CLIC2: variants seen among roughly 807,000 people sequenced by gnomAD.
CLIC2 encodes the protein CLIC family member 2.
CLIC2 carries 9 observed loss-of-function variants against 14.8 expected under a neutral mutation model. That is an observed-to-expected ratio of 0.61 (90% CI 0.37 to 1.06). The LOEUF (loss-of-function observed/expected upper bound fraction) is 1.06, where lower values mean the gene tolerates loss of function less well. Ranked by LOEUF, CLIC2 falls within the 50% of genes least tolerant of loss-of-function variation. The pLI, the probability that CLIC2 is intolerant of heterozygous loss-of-function variation, is 0.01. For missense variants in CLIC2, 148 were observed against 181.4 expected (o/e 0.82, Z 1.06); for synonymous variants, 61 against 66.3 (o/e 0.92, Z 0.39).
At chrX:155,305,429 CG>C (rs1470584487) in intron 1 of CLIC2, among the ~76,000 whole-genome samples, 2 of 112,619 alleles carry the variant, frequency 1.8e-5, no homozygotes, top group East Asian at 2.8e-4. Context: ...CGCCCTGCTT[CG>C]GCTCGCGCAC....
In CLIC2 at chrX:155,290,860, T is replaced by C. The variant is rs781931550; in HGVS notation, c.293+7925A>G. On this transcript the variant is annotated intron_variant, in intron 3 of 5. Transcript: ENST00000369449. ...TAGGAAATGCTACTCCTTGTAGTGT[T>C]TGATGCTTAGCGTCCACACCCACGT... 156 of 656,098 alleles carry C rather than the reference T, an allele frequency of 2.4e-4. 1 individual carries two copies. The South Asian group carries it at 3.4e-3, about 14-fold the overall frequency. 54.1% of individuals were successfully genotyped at this position (656,098 alleles called of 1,213,427 possible).
intron 3 of CLIC2, among the ~76,000 whole-genome samples, chrX:155,297,376 A>G (rs1256731561): frequency 9.0e-6 from 1 of 110,771 alleles, no homozygotes; most frequent in Non-Finnish European, 1.9e-5. Context: ...AATAAGATAG[A>G]AGGAATAAAT....
intron 1 of CLIC2, among the ~76,000 whole-genome samples, chrX:155,332,845 CT>C (rs1228340149): frequency 5.3e-5 from 6 of 112,285 alleles, no homozygotes; most frequent in South Asian, 7.2e-4. Flanking sequence ...TTTCAGGAGT[CT>C]AATTGAGTTG....
chrX:155,278,856 C>T (rs1205782744), intron 5 of CLIC2: 1 of 241,692 alleles, frequency 4.1e-6, no homozygotes, highest in Non-Finnish European at 7.5e-6. Context: ...ACTGCTTGAG[C>T]CTCAGAGGTG....
chrX:155,291,282 C>T, intron 3 of CLIC2: 1 of 912,351 alleles, frequency 1.1e-6, no homozygotes, highest in South Asian at 2.0e-5. Context: ...TGCCCATTTT[C>T]AATAGATATT....
At chrX:155,298,959 A>G in intron 2 of CLIC2, 49 bp from the exon 3 acceptor site, 1 of 1,181,886 alleles carries the variant, frequency 8.5e-7, no homozygotes. Flanking sequence ...TAAAGTACAC[A>G]TTAAATAAAC....
At chrX:155,320,172 G>A (rs1251049244) in intron 1 of CLIC2, among the ~76,000 whole-genome samples, 1 of 112,491 alleles carries the variant, frequency 8.9e-6, no homozygotes, top group African/African-American at 3.2e-5. Context: ...GTGCTAAAGA[G>A]AGCAGTGGAT....
At chrX:155,289,169 A>G (rs1337174306) in intron 3 of CLIC2, among the ~76,000 whole-genome samples, 1 of 110,887 alleles carries the variant, frequency 9.0e-6, no homozygotes, top group Non-Finnish European at 1.9e-5. Flanking sequence ...TGAGTGTTTC[A>G]CCCTATGAAA....
At chrX:155,333,988 G>T (rs1394097107) in intron 1 of CLIC2, among the ~76,000 whole-genome samples, 1 of 110,790 alleles carries the variant, frequency 9.0e-6, no homozygotes, top group Non-Finnish European at 1.9e-5. Flanking sequence ...ATAAAACACA[G>T]ATTTTGAGAC....
At position 155,299,353 on chromosome X, in the gene CLIC2, T is replaced by A. The variant is rs782152460; in HGVS notation, c.58-208A>T. On this transcript the variant is annotated intron_variant, in intron 1 of 5. Transcript: ENST00000369449. ...TGTGATGGGTACATAATAATAATAA[T>A]AAATTTTATATATTATCAGAATTTA... is the stretch of plus-strand genomic sequence containing the variant. 4.5e-5 allele frequency among the ~76,000 whole-genome samples: 5 copies of A among 110,828 alleles called. No individual in the cohort carries two copies. In the East Asian group the frequency reaches 1.4e-3, roughly 31 times the overall value.
At chrX:155,281,847 T>C (rs1410735004) in intron 3 of CLIC2, among the ~76,000 whole-genome samples, 1 of 111,345 alleles carries the variant, frequency 9.0e-6, no homozygotes, top group Non-Finnish European at 1.9e-5. Context: ...ATCTCAGAGT[T>C]AGAGCCCAAG....
intron 1 of CLIC2, among the ~76,000 whole-genome samples, chrX:155,321,459 A>C (rs1171411261): frequency 1.8e-5 from 2 of 111,907 alleles, no homozygotes; most frequent in Non-Finnish European, 3.8e-5. Flanking sequence ...ATATCCAGAC[A>C]AGCAAAGCTT....
chrX:155,276,764 C>G lies in CLIC2; in HGVS notation c.*1139G>C. On this transcript the variant is annotated 3_prime_UTR_variant, in exon 6 of 6. Transcript: ENST00000369449. ...AATATACTGATGACAGGATGTATCT[C>G]AAAGATTATCAACATGATTGCATTT... 1 of 112,215 alleles carries G rather than the reference C, an allele frequency of 8.9e-6. No individual in the cohort carries two copies. The highest frequency in any genetic ancestry group is 1.9e-5 in the Non-Finnish European group (1 of 53,177). 9.2% of individuals were successfully genotyped at this position (112,215 alleles called of 1,213,427 possible).
chrX:155,292,206 C>A (rs1210793172), intron 3 of CLIC2: 49 of 566,161 alleles, frequency 8.7e-5, no homozygotes, highest in Non-Finnish European at 9.7e-6. Flanking sequence ...TTGGGTGTGA[C>A]CTCCTTTAAA....
At chrX:155,300,654 T>C (rs1207385836) in intron 1 of CLIC2, among the ~76,000 whole-genome samples, 3 of 107,881 alleles carry the variant, frequency 2.8e-5, no homozygotes, top group South Asian at 4.1e-4. Context: ...TCCTTGCCCA[T>C]GCCTATGTCC....
chrX:155,314,781 G>A (rs180891811), intron 1 of CLIC2, among the ~76,000 whole-genome samples: 86 of 111,745 alleles, frequency 7.7e-4, no homozygotes, highest in Middle Eastern at 9.3e-3. Flanking sequence ...GCTAATCAAG[G>A]AGACATCAGA....
At chrX:155,298,671 C>T (rs1237442834) in intron 3 of CLIC2, 114 bp downstream of exon 3, 2 of 816,905 alleles carry the variant, frequency 2.4e-6, no homozygotes, top group African/African-American at 2.0e-5. Context: ...TGTCATTTGA[C>T]ATGTAGGCCC....
intron 3 of CLIC2, among the ~76,000 whole-genome samples, chrX:155,287,335 CTTTCTTTT>C (rs1454248403): frequency 1.8e-5 from 2 of 110,876 alleles, no homozygotes; most frequent in Non-Finnish European, 3.8e-5. Context: ...TTCTTTCTTT[CTTTCTTTT>C]TTTCTTTTGA....
intron 1 of CLIC2, among the ~76,000 whole-genome samples, chrX:155,305,174 C>G (rs1445035555): frequency 1.8e-5 from 2 of 112,191 alleles, no homozygotes; most frequent in Admixed American, 1.9e-4. Flanking sequence ...CGCCCCTCCC[C>G]CAGCCTCGCT....
Sources: allele counts gnomAD v4.1 joint callset (sites outside exome capture counted in the v4.1 genomes callset), GRCh38; gene constraint gnomAD v4.1.1; transcripts MANE v1.5; gene names NCBI Gene and HGNC (gene_info 2026-07-23, HGNC 2026-07-21).